Variants in FAM168B observed in about 807,000 individuals in gnomAD.
The protein encoded by FAM168B is myelin-associated neurite-outgrowth inhibitor.
Under a neutral mutation model 21.8 loss-of-function variants are expected in FAM168B, and 19 were observed. That is an observed-to-expected ratio of 0.87 (90% confidence interval 0.61 to 1.28). FAM168B has a LOEUF of 1.28. Ranked by LOEUF, FAM168B falls within the 50% of genes most tolerant of loss-of-function variation. The pLI, the probability that FAM168B is intolerant of heterozygous loss-of-function variation, is 0.00. For synonymous variants in FAM168B, 126 were observed against 104.8 expected (o/e 1.20, Z -1.24); for missense variants, 233 against 263.1 (o/e 0.89, Z 0.79).
chr2:131,049,778 G>A lies in FAM168B; in HGVS notation c.*2687C>T. The A allele has an allele frequency of 1.0e-6, 1 of 985,848 alleles. No individual in the cohort carries two copies. 61.1% of individuals were successfully genotyped at this position (985,848 alleles called of 1,614,324 possible). A position where few individuals can be genotyped will look rare whatever the true frequency, so the allele number is the denominator to read the frequency against. On this transcript the variant is annotated 3_prime_UTR_variant, in exon 7 of 7. Transcript: ENST00000389915. ...ATTAGGAATGTCAAACACACAAAAA[G>A]CAAATTTCTCAGAATGCTCCACCAT...
chr2:131,085,951 T>A (rs1280931338), intron 1 of FAM168B, among the ~76,000 whole-genome samples: 2 of 152,176 alleles, frequency 1.3e-5, no homozygotes, highest in African/African-American at 4.8e-5. Context: ...AACTTCAACA[T>A]AAGTAGTCAC....
Position 131,093,241 on chromosome 2 carries a change from G to A in FAM168B, c.-39C>T, listed in dbSNP as rs1694131602. Reference sequence around the variant, plus strand: ...CGCCGCGGCGGCGACCTGGGCCTCAGTGACCAGCGCACGCCGGCCCGCGGC... The same window carrying A: ...CGCCGCGGCGGCGACCTGGGCCTCAATGACCAGCGCACGCCGGCCCGCGGC... On this transcript the variant is annotated 5_prime_UTR_variant, in exon 1 of 7. Coordinates refer to ENST00000389915, the MANE Select transcript of FAM168B (RefSeq NM_001009993.4). The A allele has an allele frequency of 6.6e-6, 1 of 150,400 alleles. No homozygotes were observed. The highest frequency in any genetic ancestry group is 2.1e-4 in the South Asian group (1 of 4,836). The allele number at this position is 150,400 out of a possible 1,614,324, so 9.3% of individuals were successfully genotyped here.
chr2:131,070,405 G>A (rs1441961528), intron 3 of FAM168B, among the ~76,000 whole-genome samples: 2 of 152,208 alleles, frequency 1.3e-5, no homozygotes, highest in Non-Finnish European at 2.9e-5. Context: ...ACCAAGTGTT[G>A]TTAAGGATGT....
At chr2:131,058,514 C>T (rs980838650) in intron 3 of FAM168B, among the ~76,000 whole-genome samples, 2 of 152,200 alleles carry the variant, frequency 1.3e-5, no homozygotes, top group African/African-American at 4.8e-5. Flanking sequence ...CAACTCCCAA[C>T]CTCAGCTAGT....
chr2:131,091,151 T>C (rs1000485980), intron 1 of FAM168B, among the ~76,000 whole-genome samples: 5 of 152,084 alleles, frequency 3.3e-5, no homozygotes, highest in East Asian at 1.9e-4. Context: ...CTGGCCAACA[T>C]AGTGAGATGA....
At chr2:131,090,641 G>C (rs1693968331) in intron 1 of FAM168B, among the ~76,000 whole-genome samples, 1 of 151,978 alleles carries the variant, frequency 6.6e-6, no homozygotes, top group Non-Finnish European at 1.5e-5. Context: ...TGGGGCAGGA[G>C]GACTGCTTGA....
chr2:131,051,481 A>G lies in FAM168B; in HGVS notation c.*984T>C. On this transcript the variant is annotated 3_prime_UTR_variant, in exon 7 of 7. Transcript: ENST00000389915. Reference sequence around the variant, plus strand: ...TTTCAGCTGATTCAAACATTTCTCCAGGAAAAAAAAAAAAAAAGGAATGAT... The same window carrying G: ...TTTCAGCTGATTCAAACATTTCTCCGGGAAAAAAAAAAAAAAAGGAATGAT... 1.0e-6 allele frequency: 1 copy of G among 971,116 alleles called. No individual in the cohort carries two copies. Among genetic ancestry groups the G allele is most frequent in the Non-Finnish European group, 1.2e-6 (1 of 827,456 alleles). 60.2% of individuals were successfully genotyped at this position (971,116 alleles called of 1,614,324 possible). A position where few individuals can be genotyped will look rare whatever the true frequency, so the allele number is the denominator to read the frequency against.
rs566874468 is a variant in FAM168B, at chr2:131,090,236, G to A, written c.-12+2978C>T. Among the ~76,000 whole-genome samples, 31 of 145,924 alleles carry A rather than the reference G, an allele frequency of 2.1e-4. 1 individual carries two copies. Among genetic ancestry groups the A allele is most frequent in the Admixed American group, 1.5e-3 (21 of 14,434 alleles). ...CAGGAGGCTGAGGCTGGAGAATGGC[G>A]TGAACCCAGGAGGCTGAGCTTGCAA... On this transcript the variant is annotated intron_variant, in intron 1 of 6. Coordinates refer to ENST00000389915, the MANE Select transcript of FAM168B (RefSeq NM_001009993.4).
At chr2:131,069,173 G>C (rs1265661345) in intron 3 of FAM168B, among the ~76,000 whole-genome samples, 1 of 152,150 alleles carries the variant, frequency 6.6e-6, no homozygotes, top group Non-Finnish European at 1.5e-5. Context: ...ATTAACTCAA[G>C]GTTCTTCTTG....
chr2:131,068,595 C>T (rs1025782029), intron 3 of FAM168B, among the ~76,000 whole-genome samples: 1 of 152,142 alleles, frequency 6.6e-6, no homozygotes, highest in Non-Finnish European at 1.5e-5. Flanking sequence ...CAAGGTAGGC[C>T]GTTTGGGCAG....
At chr2:131,086,863 A>G (rs1322919847) in intron 1 of FAM168B, among the ~76,000 whole-genome samples, 2 of 103,648 alleles carry the variant, frequency 1.9e-5, no homozygotes, top group Non-Finnish European at 3.7e-5. Flanking sequence ...CAGGAGATCG[A>G]GACCATCCTG....
chr2:131,064,762 G>A (rs1289066276), intron 3 of FAM168B, among the ~76,000 whole-genome samples: 1 of 152,166 alleles, frequency 6.6e-6, no homozygotes, highest in South Asian at 2.1e-4. Context: ...TGAGAACAGT[G>A]ACCCCCCCAG....
chr2:131,048,336 G>C lies in FAM168B; in HGVS notation c.*4129C>G, dbSNP rs962751324. 1.5e-6 allele frequency: 2 copies of C among 1,302,924 alleles called. No homozygotes were observed. Among genetic ancestry groups the C allele is most frequent in the African/African-American group, 3.0e-5 (2 of 65,822 alleles). The allele number at this position is 1,302,924 out of a possible 1,614,324, so 80.7% of individuals were successfully genotyped here. On this transcript the variant is annotated 3_prime_UTR_variant, in exon 7 of 7. Coordinates refer to ENST00000389915, the MANE Select transcript of FAM168B (RefSeq NM_001009993.4). ...CCACTGGTCTGCACAGGGACTCATG[G>C]GCACAGCCTGTGGTGAGGAGGAGAC...
chr2:131,090,077 C>T (rs1354732877), intron 1 of FAM168B, among the ~76,000 whole-genome samples: 25 of 135,894 alleles, frequency 1.8e-4, no homozygotes, highest in Non-Finnish European at 3.1e-4. Flanking sequence ...CCCAGCACTT[C>T]GGGAGGCCGA....
At position 131,049,880 on chromosome 2, in the gene FAM168B, C is replaced by A. The variant is rs1249099242; in HGVS notation, c.*2585G>T. ...TATTTCTTAATTGACTTTAATTTTA[C>A]TAGAAGCGAATGTTGATAAAATTAC... On this transcript the variant is annotated 3_prime_UTR_variant, in exon 7 of 7. Coordinates refer to ENST00000389915, the MANE Select transcript of FAM168B (RefSeq NM_001009993.4). The A allele has an allele frequency of 1.0e-6, 1 of 985,596 alleles. No homozygotes were observed. The highest frequency in any genetic ancestry group is 1.7e-5 in the African/African-American group (1 of 57,246). The allele number at this position is 985,596 out of a possible 1,614,324, so 61.1% of individuals were successfully genotyped here.
At chr2:131,074,191 T>C (rs1162835948) in intron 2 of FAM168B, among the ~76,000 whole-genome samples, 1 of 152,140 alleles carries the variant, frequency 6.6e-6, no homozygotes, top group East Asian at 1.9e-4. Context: ...TGCAATGGCG[T>C]GATCTCGGCT....
Position 131,050,291 on chromosome 2 carries a change from T to TA in FAM168B, c.*2173dup. The TA allele has an allele frequency of 1.0e-6, 1 of 985,480 alleles. No homozygotes were observed. The highest frequency in any genetic ancestry group is 1.2e-6 in the Non-Finnish European group (1 of 829,930). 61.0% of individuals were successfully genotyped at this position (985,480 alleles called of 1,614,324 possible). ...TTCCATTTTGTTGTGTGGGGCTTTTTAAAAGCATACACTAACATTGTGAGT... is the reference window on the plus strand; with the variant it reads ...TTCCATTTTGTTGTGTGGGGCTTTTTAAAAAGCATACACTAACATTGTGAGT... On this transcript the variant is annotated 3_prime_UTR_variant, in exon 7 of 7. Transcript: ENST00000389915.
intron 3 of FAM168B, among the ~76,000 whole-genome samples, chr2:131,066,545 TA>T (rs1057243007): frequency 6.6e-6 from 1 of 152,186 alleles, no homozygotes; most frequent in Non-Finnish European, 1.5e-5. Context: ...TAGAGCTTAT[TA>T]CAAAGAACAG....
chr2:131,068,785 G>A (rs769448087), intron 3 of FAM168B, among the ~76,000 whole-genome samples: 3 of 152,192 alleles, frequency 2.0e-5, no homozygotes, highest in Non-Finnish European at 4.4e-5. Flanking sequence ...GAAGGCTGAG[G>A]CAGGAGGATC....
Sources: gnomAD v4.1 joint callset for allele counts (sites outside exome capture counted in the v4.1 genomes callset) on GRCh38, gnomAD v4.1.1 for gene constraint, MANE v1.5 for transcripts, NCBI Gene and HGNC (gene_info 2026-07-23, HGNC 2026-07-21) for gene names.